FRMD6: variants seen among roughly 807,000 people sequenced by gnomAD.
FRMD6 encodes FERM domain containing 6.
In FRMD6, 37 loss-of-function variants were observed where a neutral mutation model predicts 73.2. The observed-to-expected ratio is 0.51, with a 90% CI of 0.39 to 0.66. The LOEUF (loss-of-function observed/expected upper bound fraction) is 0.66. Among genes scored for constraint, FRMD6 ranks in the 30% least tolerant of loss-of-function variants. The probability of loss-of-function intolerance (pLI) is 0.00; values close to 1 mark genes in which losing one functional copy is unlikely to be tolerated. For missense variants in FRMD6, 714 were observed against 780.5 expected (o/e 0.91, Z 1.02); for synonymous variants, 273 against 282.2 (o/e 0.97, Z 0.33).
the FRMD6 span, among the ~76,000 whole-genome samples, chr14:51,447,032 A>G: frequency 5.3e-5 from 8 of 152,160 alleles, no homozygotes; most frequent in African/African-American, 1.9e-4. Context: ...AGATTCTTGG[A>G]GACTTCAATA....
intron 2 of FRMD6, among the ~76,000 whole-genome samples, chr14:51,626,890 G>T (rs745804249): frequency 1.3e-5 from 2 of 152,146 alleles, no homozygotes; most frequent in Admixed American, 6.5e-5. Context: ...GCTATAATTT[G>T]TAAAGTACAA....
At chr14:51,463,018 A>T in the FRMD6 span, among the ~76,000 whole-genome samples, 2 of 152,218 alleles carry the variant, frequency 1.3e-5, no homozygotes, top group Non-Finnish European at 2.9e-5. Context: ...AAATAAAATA[A>T]GCATTTGCCA....
intron 1 of FRMD6, among the ~76,000 whole-genome samples, chr14:51,680,392 C>A (rs1336865654): frequency 1.3e-5 from 2 of 152,174 alleles, no homozygotes; most frequent in East Asian, 3.8e-4. Flanking sequence ...TTTTACTGTA[C>A]AGTTTAGCAT....
chr14:51,500,392 T>C (rs1033114709), intron 1 of FRMD6, among the ~76,000 whole-genome samples: 5 of 152,070 alleles, frequency 3.3e-5, no homozygotes, highest in Admixed American at 3.3e-4. Context: ...CCAGGCGTGG[T>C]GGCACGCGTC....
chr14:51,620,487 G>A (rs1890886156), intron 2 of FRMD6, among the ~76,000 whole-genome samples: 1 of 152,060 alleles, frequency 6.6e-6, no homozygotes. Flanking sequence ...TGATTCCAAA[G>A]TGGAAAAGGA....
chr14:51,431,245 A>G, the FRMD6 span, among the ~76,000 whole-genome samples: 1 of 152,208 alleles, frequency 6.6e-6, no homozygotes, highest in South Asian at 2.1e-4. Flanking sequence ...CAAAGTTTGC[A>G]AACAGGAAAC....
At chr14:51,617,779 C>T (rs763265962) in intron 2 of FRMD6, among the ~76,000 whole-genome samples, 1 of 152,036 alleles carries the variant, frequency 6.6e-6, no homozygotes, top group Non-Finnish European at 1.5e-5. Context: ...GGAACTTAAA[C>T]CACCTTTCCT....
At chr14:51,641,171 G>A (rs1459152532) in intron 2 of FRMD6, among the ~76,000 whole-genome samples, 1 of 151,902 alleles carries the variant, frequency 6.6e-6, no homozygotes, top group Non-Finnish European at 1.5e-5. Context: ...AGTAGAGAGG[G>A]GGTTTCCCTA....
the FRMD6 span, among the ~76,000 whole-genome samples, chr14:51,430,228 C>T: frequency 6.6e-6 from 1 of 152,160 alleles, no homozygotes; most frequent in Non-Finnish European, 1.5e-5. Flanking sequence ...ACAAATCCCT[C>T]TGTGAGTTTT....
At chr14:51,459,919 T>C in the FRMD6 span, among the ~76,000 whole-genome samples, 1 of 139,450 alleles carries the variant, frequency 7.2e-6, no homozygotes, top group African/African-American at 2.7e-5. Context: ...ACTTCGGCTA[T>C]GGCTAATCTT....
At chr14:51,521,783 A>T (rs1049148708) in intron 1 of FRMD6, among the ~76,000 whole-genome samples, 4 of 151,978 alleles carry the variant, frequency 2.6e-5, no homozygotes, top group Non-Finnish European at 5.9e-5. Context: ...GGCTTAATAC[A>T]TATTGTGGAA....
intron 2 of FRMD6, among the ~76,000 whole-genome samples, chr14:51,613,962 G>A (rs897968758): frequency 3.3e-5 from 5 of 151,252 alleles, no homozygotes; most frequent in East Asian, 1.9e-4. Context: ...TATCACTATC[G>A]CTCAAAATCC....
At chr14:51,526,761 T>C (rs1885279708) in intron 1 of FRMD6, among the ~76,000 whole-genome samples, 2 of 152,254 alleles carry the variant, frequency 1.3e-5, no homozygotes, top group African/African-American at 4.8e-5. Flanking sequence ...CCTGTCACAG[T>C]GCTCAGCACA....
intron 2 of FRMD6, among the ~76,000 whole-genome samples, chr14:51,620,447 G>T (rs1307196267): frequency 5.9e-5 from 9 of 152,052 alleles, no homozygotes; most frequent in Non-Finnish European, 1.3e-4. Flanking sequence ...GGGCAGAGGG[G>T]TGATGACTGA....
intron 1 of FRMD6, among the ~76,000 whole-genome samples, chr14:51,684,177 C>T (rs1345966207): frequency 6.7e-6 from 1 of 150,134 alleles, no homozygotes; most frequent in South Asian, 2.1e-4. Context: ...AAAAAAAACC[C>T]TCATAGTACA....
chr14:51,493,817 G>A (rs749415646), intron 1 of FRMD6, among the ~76,000 whole-genome samples: 10 of 152,204 alleles, frequency 6.6e-5, no homozygotes, highest in East Asian at 1.9e-4. Flanking sequence ...TCTTTCAGAC[G>A]TGTCAGTCTG....
chr14:51,582,852 A>G (rs1025927113), intron 2 of FRMD6, among the ~76,000 whole-genome samples: 7 of 152,212 alleles, frequency 4.6e-5, no homozygotes, highest in African/African-American at 1.7e-4. Flanking sequence ...TTGGTACATT[A>G]GTGAGAAGGT....
intron 2 of FRMD6, among the ~76,000 whole-genome samples, chr14:51,636,598 G>A (rs1287245627): frequency 6.6e-6 from 1 of 152,192 alleles, no homozygotes; most frequent in African/African-American, 2.4e-5. Context: ...AATGCTGGTG[G>A]ATTAAAAACT....
chr14:51,463,940 C>T, the FRMD6 span, among the ~76,000 whole-genome samples: 1 of 152,172 alleles, frequency 6.6e-6, no homozygotes, highest in African/African-American at 2.4e-5. Context: ...ACCTCAGTCT[C>T]TCTGGTAGGT....
Sources: allele counts gnomAD v4.1 joint callset (sites outside exome capture counted in the v4.1 genomes callset), GRCh38; gene constraint gnomAD v4.1.1; transcripts MANE v1.5; gene names NCBI Gene and HGNC (gene_info 2026-07-23, HGNC 2026-07-21).